The following HHAT variants were observed in gnomAD, a reference collection of about 807,000 sequenced individuals.
The protein encoded by HHAT is protein-cysteine N-palmitoyltransferase HHAT.
In HHAT, 47 loss-of-function variants were observed where a neutral mutation model predicts 70.8. The observed-to-expected ratio is 0.66, with a 90% CI of 0.53 to 0.85. The LOEUF (loss-of-function observed/expected upper bound fraction) is 0.85. Ranked by LOEUF, HHAT falls within the 40% of genes least tolerant of loss-of-function variation. The probability of loss-of-function intolerance (pLI) is 0.00; values close to 1 mark genes in which losing one functional copy is unlikely to be tolerated. For missense variants in HHAT, 609 were observed against 604.8 expected, an observed-to-expected ratio of 1.01 and a Z score of -0.07; for synonymous variants, 228 against 247.6, an observed-to-expected ratio of 0.92 and a Z score of 0.74.
At chr1:210,508,579 T>C (rs1427996580) in intron 8 of HHAT, among the ~76,000 whole-genome samples, 5 of 152,192 alleles carry the variant, frequency 3.3e-5, no homozygotes, top group African/African-American at 4.8e-5. Context: ...GTATCAAATA[T>C]GTTGCCTGAC....
chr1:210,541,415 A>T (rs186053314), intron 9 of HHAT, among the ~76,000 whole-genome samples: 2 of 152,288 alleles, frequency 1.3e-5, no homozygotes, highest in African/African-American at 4.8e-5. Context: ...ACAGGCAGAC[A>T]TAAAGCTTGA....
chr1:210,539,102 G>A (rs1426404542), intron 9 of HHAT, among the ~76,000 whole-genome samples: 1 of 152,098 alleles, frequency 6.6e-6, no homozygotes, highest in African/African-American at 2.4e-5. Flanking sequence ...CAGAAAGAGA[G>A]CCATGTGGAG....
intron 10 of HHAT, among the ~76,000 whole-genome samples, chr1:210,618,473 A>C (rs1253812159): frequency 6.6e-6 from 1 of 152,094 alleles, no homozygotes; most frequent in Non-Finnish European, 1.5e-5. Context: ...GCTCAAACCC[A>C]CCCAGTTTCT....
At chr1:210,589,937 C>T (rs1249982225) in intron 10 of HHAT, 1 of 152,144 alleles carries the variant, frequency 6.6e-6, no homozygotes, top group Admixed American at 6.5e-5. Flanking sequence ...TTATATGTTG[C>T]AAGTATGATG....
intron 8 of HHAT, among the ~76,000 whole-genome samples, chr1:210,488,570 T>C (rs891737601): frequency 3.3e-5 from 5 of 152,216 alleles, no homozygotes; most frequent in African/African-American, 1.2e-4. Context: ...TCAATGATTA[T>C]TCATTCGATG....
intron 10 of HHAT, among the ~76,000 whole-genome samples, chr1:210,614,824 G>A (rs1424326916): frequency 1.3e-5 from 2 of 152,158 alleles, no homozygotes; most frequent in Admixed American, 1.3e-4. Context: ...TTGGACATTT[G>A]GGTTGGTTCC....
At position 210,329,077 on chromosome 1, in the gene HHAT, C is replaced by T; in HGVS notation, c.-71C>T. On this transcript the variant is annotated 5_prime_UTR_variant, in exon 1 of 12. Transcript: ENST00000261458. Reference sequence around the variant, plus strand: ...AACTCGCGGCGCGCGTGAACGTTGCCGTCGCCGCCGCCCGGGACAGCCCGG... The same window carrying T: ...AACTCGCGGCGCGCGTGAACGTTGCTGTCGCCGCCGCCCGGGACAGCCCGG... The T allele has an allele frequency of 1.4e-6, 2 of 1,425,426 alleles. No homozygotes were observed. The highest frequency in any genetic ancestry group is 1.5e-5 in the African/African-American group (1 of 67,798). The allele number at this position is 1,425,426 out of a possible 1,614,324, so 88.3% of individuals were successfully genotyped here.
intron 1 of HHAT, among the ~76,000 whole-genome samples, chr1:210,332,155 TCA>T (rs1212784337): frequency 3.3e-5 from 5 of 152,236 alleles, no homozygotes; most frequent in African/African-American, 4.8e-5. Context: ...GTGCATAGAC[TCA>T]CATTCAGAAG....
intron 11 of HHAT, 27 bp downstream of exon 11, chr1:210,623,697 A>T: frequency 6.2e-7 from 1 of 1,607,238 alleles, no homozygotes; most frequent in East Asian, 2.2e-5. Flanking sequence ...TGCTGTTTTC[A>T]GTCAGTTTCT....
At chr1:210,576,055 T>C (rs1296117295) in intron 9 of HHAT, among the ~76,000 whole-genome samples, 2 of 152,180 alleles carry the variant, frequency 1.3e-5, no homozygotes, top group Admixed American at 1.3e-4. Flanking sequence ...AACAGCTGGC[T>C]GTCATCTGGA....
chr1:210,389,471 C>T (rs745793499), intron 4 of HHAT, among the ~76,000 whole-genome samples: 2 of 152,194 alleles, frequency 1.3e-5, no homozygotes, highest in African/African-American at 2.4e-5. Flanking sequence ...GTAATCCCCA[C>T]GTCTTGCAGG....
intron 2 of HHAT, 24 bp from the exon 3 acceptor site, chr1:210,362,828 C>G (rs776560478): frequency 9.4e-6 from 15 of 1,598,950 alleles, no homozygotes; most frequent in Non-Finnish European, 1.3e-5. Context: ...TTGTGACTAA[C>G]GAAGACTTTT....
At chr1:210,426,828 G>T (rs912014089) in intron 7 of HHAT, among the ~76,000 whole-genome samples, 1 of 152,064 alleles carries the variant, frequency 6.6e-6, no homozygotes, top group Non-Finnish European at 1.5e-5. Flanking sequence ...GCCAGGTTTT[G>T]GCATCAGGAT....
chr1:210,521,316 A>G (rs2095154066), intron 9 of HHAT, among the ~76,000 whole-genome samples: 2 of 152,178 alleles, frequency 1.3e-5, no homozygotes, highest in Admixed American at 6.5e-5. Flanking sequence ...ATATCTTTGA[A>G]TGGCCAGAAG....
At chr1:210,623,720 A>G in intron 11 of HHAT, 50 bp downstream of exon 11, 1 of 1,582,552 alleles carries the variant, frequency 6.3e-7, no homozygotes, top group East Asian at 2.2e-5. Flanking sequence ...TTTTCCATGT[A>G]TGCGGATGGG....
chr1:210,601,956 A>AGAGAGAGAGAGAGAGAGT (rs374229402), intron 10 of HHAT, among the ~76,000 whole-genome samples: 4 of 91,078 alleles, frequency 4.4e-5, no homozygotes, highest in African/African-American at 1.4e-4. Flanking sequence ...AGAGAGAGAG[A>AGAGAGAGAGAGAGAGAGT]GTATGTGTGT....
At position 210,674,419 on chromosome 1, in the gene HHAT, A is replaced by G; in HGVS notation, c.*40A>G. ...GGCCAGTCCTTGTTGCTGGCCTCCA[A>G]GGCAAATAGTGCTTCACCCTGACCT... On this transcript the variant is annotated 3_prime_UTR_variant, in exon 12 of 12. Transcript: ENST00000261458. The G allele has an allele frequency of 6.6e-7, 1 of 1,511,502 alleles. No homozygotes were observed. Among genetic ancestry groups the G allele is most frequent in the Non-Finnish European group, 9.2e-7 (1 of 1,087,746 alleles). 93.6% of individuals were successfully genotyped at this position (1,511,502 alleles called of 1,614,324 possible).
intron 4 of HHAT, among the ~76,000 whole-genome samples, chr1:210,391,978 T>C (rs2091489479): frequency 6.6e-6 from 1 of 152,070 alleles, no homozygotes; most frequent in African/African-American, 2.4e-5. Context: ...CAAGCAATCC[T>C]CCTGCCTCAG....
intron 8 of HHAT, among the ~76,000 whole-genome samples, chr1:210,501,495 G>T (rs1333836292): frequency 1.3e-5 from 2 of 152,338 alleles, no homozygotes; most frequent in East Asian, 1.9e-4. Flanking sequence ...TGGTGGAGTG[G>T]AGGGTTGGAA....
Sources: allele counts gnomAD v4.1 joint callset (sites outside exome capture counted in the v4.1 genomes callset), GRCh38; gene constraint gnomAD v4.1.1; transcripts MANE v1.5; gene names NCBI Gene and HGNC (gene_info 2026-07-23, HGNC 2026-07-21).